Variants in LNP1 observed in about 807,000 individuals in gnomAD.
LNP1 encodes the protein leukemia NUP98 fusion partner 1.
A neutral mutation model predicts 14.5 loss-of-function variants in LNP1; 12 were observed. The observed-to-expected ratio is 0.83, with a 90% CI of 0.53 to 1.34. The LOEUF is 1.34. Ranked by LOEUF, LNP1 falls within the 40% of genes most tolerant of loss-of-function variation. LNP1 has a pLI of 0.00. For synonymous variants in LNP1, 75 were observed against 71.4 expected (o/e 1.05, Z -0.26); for missense variants, 198 against 210.9 (o/e 0.94, Z 0.38).
intron 1 of LNP1, among the ~76,000 whole-genome samples, chr3:100,421,625 C>T (rs1707144318): frequency 6.6e-6 from 1 of 152,120 alleles, no homozygotes; most frequent in Non-Finnish European, 1.5e-5. Flanking sequence ...CCACATCTTA[C>T]AAGTTTTTGC....
chr3:100,449,248 C>CT lies in LNP1; in HGVS notation c.157-2458dup, dbSNP rs35361069. On this transcript the variant is annotated intron_variant, in intron 2 of 3. Transcript: ENST00000383693. ...GTGTTGTTTTCATAGTGCACTTAAA[C>CT]TTTTTTTTTTTTTAATAAAGACATT... 5.7e-4 allele frequency among the ~76,000 whole-genome samples: 85 copies of CT among 148,124 alleles called. No individual in the cohort carries two copies. The East Asian group carries it at 6.9e-3, about 12-fold the overall frequency.
chr3:100,405,646 C>T (rs892211185), intron 1 of LNP1, among the ~76,000 whole-genome samples: 3 of 152,088 alleles, frequency 2.0e-5, no homozygotes, highest in Non-Finnish European at 4.4e-5. Flanking sequence ...TTTAAGGGCT[C>T]CATCCTCATG....
In LNP1 at chr3:100,422,803, CTTTTTTTT is replaced by C. The variant is rs557593118; in HGVS notation, c.-33-6874_-33-6867del. On this transcript the variant is annotated intron_variant, in intron 1 of 3. Coordinates refer to ENST00000383693, the MANE Select transcript of LNP1 (RefSeq NM_001085451.2). ...GAAAACATACCTTGCTTTGTCTCCTCTTTTTTTTTTTTTTTTTTTTTTTTTTTGCACCA... is the reference window on the plus strand; with the variant it reads ...GAAAACATACCTTGCTTTGTCTCCTCTTTTTTTTTTTTTTTTTTTGCACCA... 4.3e-3 allele frequency among the ~76,000 whole-genome samples: 298 copies of C among 69,092 alleles called. 1 individual carries two copies. The highest frequency in any genetic ancestry group is 0.013 in the African/African-American group (260 of 19,386). The allele number at this position is 69,092 out of a possible 152,430, so 45.3% of individuals were successfully genotyped here.
chr3:100,453,743 C>T (rs1707482942), intron 3 of LNP1, among the ~76,000 whole-genome samples: 1 of 152,070 alleles, frequency 6.6e-6, no homozygotes, highest in Non-Finnish European at 1.5e-5. Context: ...CCCTATTTGC[C>T]TACACTATCT....
intron 3 of LNP1, among the ~76,000 whole-genome samples, chr3:100,452,514 T>C (rs1707469859): frequency 6.6e-6 from 1 of 152,124 alleles, no homozygotes; most frequent in African/African-American, 2.4e-5. Flanking sequence ...GCCCCCTAGT[T>C]TCTTGAGCCT....
intron 2 of LNP1, among the ~76,000 whole-genome samples, chr3:100,443,231 A>T (rs1045470725): frequency 6.6e-6 from 1 of 152,230 alleles, no homozygotes; most frequent in African/African-American, 2.4e-5. Flanking sequence ...GAGCCAAGAA[A>T]ATACAGAATT....
rs573089283 is a variant in LNP1, at chr3:100,450,247, T to TA, written c.157-1465dup. On this transcript the variant is annotated intron_variant, in intron 2 of 3. Coordinates refer to ENST00000383693, the MANE Select transcript of LNP1 (RefSeq NM_001085451.2). ...TAACAAAAACAGAAACAAACAACAA[T>TA]AAAAAAACAGTTAAACGATGGCACA... Among the ~76,000 whole-genome samples, 1,127 of 147,984 alleles carry TA rather than the reference T, an allele frequency of 7.6e-3. 18 individuals carry two copies. Among genetic ancestry groups the TA allele is most frequent in the African/African-American group, 0.028 (1,070 of 38,676 alleles).
chr3:100,406,775 C>T (rs1444776021), intron 1 of LNP1, among the ~76,000 whole-genome samples: 4 of 152,148 alleles, frequency 2.6e-5, no homozygotes, highest in South Asian at 2.1e-4. Context: ...CCTCATGATC[C>T]GCCTGCCTCA....
At chr3:100,446,718 A>G (rs1365322975) in intron 2 of LNP1, among the ~76,000 whole-genome samples, 1 of 152,216 alleles carries the variant, frequency 6.6e-6, no homozygotes, top group African/African-American at 2.4e-5. Flanking sequence ...AAGGGCTAAT[A>G]CCCAGAATCT....
At chr3:100,449,674 A>G (rs533835472) in intron 2 of LNP1, among the ~76,000 whole-genome samples, 5 of 152,320 alleles carry the variant, frequency 3.3e-5, no homozygotes, top group Admixed American at 1.3e-4. Context: ...AAAAACAACC[A>G]AAAACATAAA....
intron 3 of LNP1, 120 bp downstream of exon 3, chr3:100,452,069 T>C (rs1707465420): frequency 3.5e-6 from 2 of 577,360 alleles, no homozygotes; most frequent in East Asian, 2.9e-5. Context: ...GGTAATAAGA[T>C]CTTTGAAAAA....
intron 1 of LNP1, among the ~76,000 whole-genome samples, chr3:100,408,054 G>A (rs1385323474): frequency 6.6e-6 from 1 of 152,128 alleles, no homozygotes; most frequent in East Asian, 1.9e-4. Flanking sequence ...CAGCTGTTTT[G>A]AATTCCTTGG....
At chr3:100,435,508 AT>A (rs1353098347) in intron 2 of LNP1, among the ~76,000 whole-genome samples, 3 of 152,346 alleles carry the variant, frequency 2.0e-5, no homozygotes, top group South Asian at 2.1e-4. Context: ...TATTAAAAAA[AT>A]AATTTTTTTT....
chr3:100,414,750 A>C (rs1016166239), intron 1 of LNP1, among the ~76,000 whole-genome samples: 1 of 152,180 alleles, frequency 6.6e-6, no homozygotes, highest in Non-Finnish European at 1.5e-5. Flanking sequence ...ACCAGTGAGA[A>C]AATGTCCTAC....
intron 2 of LNP1, among the ~76,000 whole-genome samples, chr3:100,436,997 C>G (rs561963528): frequency 6.6e-5 from 10 of 152,198 alleles, no homozygotes; most frequent in Admixed American, 5.9e-4. Context: ...TCACCAGGAA[C>G]TGAATTAGCC....
chr3:100,441,718 A>G (rs1436781947), intron 2 of LNP1, among the ~76,000 whole-genome samples: 1 of 151,930 alleles, frequency 6.6e-6, no homozygotes, highest in Non-Finnish European at 1.5e-5. Context: ...GCTGGAGCGC[A>G]GTGGTGCAAT....
intron 1 of LNP1, 88 bp from the exon 2 acceptor site, chr3:100,429,609 A>G (rs1707224286): frequency 2.3e-6 from 2 of 856,518 alleles, no homozygotes; most frequent in Admixed American, 4.9e-5. Flanking sequence ...GACCATTTTA[A>G]AAAGACCAGT....
At chr3:100,417,374 T>TG (rs1384781830) in intron 1 of LNP1, among the ~76,000 whole-genome samples, 3 of 123,000 alleles carry the variant, frequency 2.4e-5, no homozygotes, top group Non-Finnish European at 3.3e-5. Flanking sequence ...CTTTTTTCTT[T>TG]TTTTTTTTTT....
intron 1 of LNP1, among the ~76,000 whole-genome samples, chr3:100,411,249 A>G (rs1707029283): frequency 6.6e-6 from 1 of 152,102 alleles, no homozygotes; most frequent in East Asian, 1.9e-4. Flanking sequence ...GTCCCATCAT[A>G]TTTTAGAAGC....
Sources: gnomAD v4.1 joint callset for allele counts (sites outside exome capture counted in the v4.1 genomes callset) on GRCh38, gnomAD v4.1.1 for gene constraint, MANE v1.5 for transcripts, NCBI Gene and HGNC (gene_info 2026-07-23, HGNC 2026-07-21) for gene names.